Variants in KCNH8 observed in about 807,000 individuals in gnomAD.
KCNH8 encodes the protein potassium voltage-gated channel subfamily H member 8, also known as voltage-gated delayed rectifier potassium channel KCNH8.
In KCNH8, 70 loss-of-function variants were observed where a neutral mutation model predicts 103.6. The observed-to-expected ratio is 0.68, with a 90% CI of 0.56 to 0.82. The LOEUF is 0.82. KCNH8 is among the 40% of genes least tolerant of loss of function. The pLI is 0.00. For synonymous variants in KCNH8, 498 were observed against 489.4 expected (o/e 1.02, Z -0.23); for missense variants, 1,217 against 1,329.9 (o/e 0.92, Z 1.32).
intron 1 of KCNH8, among the ~76,000 whole-genome samples, chr3:19,151,598 G>A (rs980462021): frequency 6.6e-6 from 1 of 151,790 alleles, no homozygotes; most frequent in South Asian, 2.1e-4. Context: ...ATCCTCCCAG[G>A]AAAAATAAAT....
chr3:19,400,144 A>G (rs896007995), intron 7 of KCNH8, among the ~76,000 whole-genome samples: 3 of 144,884 alleles, frequency 2.1e-5, no homozygotes, highest in Non-Finnish European at 3.0e-5. Context: ...TTACCCTTCC[A>G]TGATGGAAAG....
At chr3:19,231,949 C>A (rs117612586) in intron 1 of KCNH8, among the ~76,000 whole-genome samples, 2 of 152,074 alleles carry the variant, frequency 1.3e-5, no homozygotes, top group Non-Finnish European at 2.9e-5. Context: ...AATTAATTGC[C>A]GCGAGTTTTG....
intron 9 of KCNH8, chr3:19,450,874 C>A: frequency 5.1e-6 from 2 of 390,478 alleles, no homozygotes; most frequent in Non-Finnish European, 9.4e-6. Flanking sequence ...CTAGGACTCT[C>A]TGTGAGAAGG....
At chr3:19,387,382 C>T (rs531956964) in intron 5 of KCNH8, among the ~76,000 whole-genome samples, 11 of 152,246 alleles carry the variant, frequency 7.2e-5, no homozygotes, top group Admixed American at 2.0e-4. Context: ...GTCTCTGTTG[C>T]TTACTGTCTG....
At chr3:19,306,022 A>C (rs1339750871) in intron 3 of KCNH8, among the ~76,000 whole-genome samples, 4 of 152,132 alleles carry the variant, frequency 2.6e-5, no homozygotes, top group Admixed American at 1.3e-4. Flanking sequence ...TAAATGGACA[A>C]AACTCTTGAA....
chr3:19,289,491 C>T (rs111762986), intron 3 of KCNH8, among the ~76,000 whole-genome samples: 199 of 152,222 alleles, frequency 1.3e-3, no homozygotes, highest in African/African-American at 4.5e-3. Flanking sequence ...GAATCCTCTC[C>T]CCATTTCTTG....
intron 7 of KCNH8, among the ~76,000 whole-genome samples, chr3:19,437,322 G>T (rs1036981258): frequency 6.6e-6 from 1 of 152,048 alleles, no homozygotes; most frequent in African/African-American, 2.4e-5. Context: ...TTTGTGTTGT[G>T]TTTAAATTCT....
intron 5 of KCNH8, among the ~76,000 whole-genome samples, chr3:19,352,560 G>A (rs2065818321): frequency 6.6e-6 from 1 of 152,144 alleles, no homozygotes; most frequent in South Asian, 2.1e-4. Flanking sequence ...AATCAAACTA[G>A]AACTCAGGAT....
chr3:19,277,962 G>T (rs1343375351), intron 2 of KCNH8, among the ~76,000 whole-genome samples: 1 of 151,936 alleles, frequency 6.6e-6, no homozygotes. Context: ...CTCTGAATTT[G>T]AGGCTGTGGG....
At chr3:19,318,376 A>C (rs1305040236) in intron 3 of KCNH8, among the ~76,000 whole-genome samples, 1 of 151,724 alleles carries the variant, frequency 6.6e-6, no homozygotes, top group Non-Finnish European at 1.5e-5. Context: ...TGCACCTGTC[A>C]CCAGAGTAGT....
chr3:19,477,773 C>T (rs75739570), intron 11 of KCNH8, among the ~76,000 whole-genome samples: 5,782 of 152,184 alleles, frequency 0.038, 372 homozygotes, highest in African/African-American at 0.13. Context: ...TTCTTTAAAT[C>T]TATTTATTTA....
At chr3:19,453,427 A>G (rs1434877771) in intron 10 of KCNH8, among the ~76,000 whole-genome samples, 1 of 152,164 alleles carries the variant, frequency 6.6e-6, no homozygotes, top group Non-Finnish European at 1.5e-5. Context: ...AAGCTTCAAA[A>G]TAGATTATAT....
chr3:19,490,670 A>T (rs1409677847), intron 11 of KCNH8, among the ~76,000 whole-genome samples: 1 of 152,176 alleles, frequency 6.6e-6, no homozygotes, highest in Admixed American at 6.5e-5. Context: ...GAAATTGGGC[A>T]TAAGACAATA....
intron 1 of KCNH8, among the ~76,000 whole-genome samples, chr3:19,177,903 A>G (rs879661125): frequency 3.3e-5 from 5 of 152,086 alleles, no homozygotes; most frequent in African/African-American, 4.8e-5. Context: ...GACATAGTTA[A>G]TTCAGTTTTT....
At chr3:19,249,421 C>G (rs2064248425) in intron 1 of KCNH8, among the ~76,000 whole-genome samples, 1 of 152,204 alleles carries the variant, frequency 6.6e-6, no homozygotes, top group South Asian at 2.1e-4. Flanking sequence ...AGGACAAGTG[C>G]TAAATATAAA....
At chr3:19,174,913 G>C (rs962637564) in intron 1 of KCNH8, among the ~76,000 whole-genome samples, 1 of 152,186 alleles carries the variant, frequency 6.6e-6, no homozygotes, top group African/African-American at 2.4e-5. Flanking sequence ...CATTGTAAAT[G>C]AAAGGAAGAA....
At chr3:19,164,845 G>A (rs2063267217) in intron 1 of KCNH8, among the ~76,000 whole-genome samples, 1 of 152,190 alleles carries the variant, frequency 6.6e-6, no homozygotes, top group Non-Finnish European at 1.5e-5. Flanking sequence ...TTTACCTAAG[G>A]AGTAATAACC....
chr3:19,285,148 A>ATTAAT (rs1304131674), intron 3 of KCNH8, among the ~76,000 whole-genome samples: 1 of 151,668 alleles, frequency 6.6e-6, no homozygotes, highest in Admixed American at 6.6e-5. Context: ...TTAAAATTAA[A>ATTAAT]TTAATTTAAT....
chr3:19,487,424 T>C (rs1254032667), intron 11 of KCNH8, among the ~76,000 whole-genome samples: 1 of 151,874 alleles, frequency 6.6e-6, no homozygotes, highest in African/African-American at 2.4e-5. Flanking sequence ...AGGCAGGAGG[T>C]AGGTGTTCTA....
Sources: allele counts gnomAD v4.1 joint callset (sites outside exome capture counted in the v4.1 genomes callset), GRCh38; gene constraint gnomAD v4.1.1; transcripts MANE v1.5; gene names NCBI Gene and HGNC (gene_info 2026-07-23, HGNC 2026-07-21).